MDM1: variants seen among roughly 807,000 people sequenced by gnomAD.
MDM1 encodes the protein Mdm1 nuclear protein.
MDM1 carries 61 observed loss-of-function variants against 89.1 expected under a neutral mutation model. The observed-to-expected ratio is 0.68, with a 90% CI of 0.56 to 0.85. MDM1 has a LOEUF of 0.85. Among genes scored for constraint, MDM1 ranks in the 40% least tolerant of loss-of-function variants. The pLI, the probability that MDM1 is intolerant of heterozygous loss-of-function variation, is 0.00. For synonymous variants in MDM1, 290 were observed against 294.1 expected (o/e 0.99, Z 0.14); for missense variants, 820 against 846.5 (o/e 0.97, Z 0.39).
intron 12 of MDM1, among the ~76,000 whole-genome samples, chr12:68,310,111 C>T (rs943481044): frequency 3.9e-5 from 6 of 152,210 alleles, no homozygotes; most frequent in Non-Finnish European, 7.3e-5. Flanking sequence ...GCTGGGATTA[C>T]AGGCATCTGC....
rs774503728 is a variant in MDM1 at position 68,332,256 on chromosome 12, G to T, written c.-11C>A. 3.2e-6 allele frequency: 5 copies of T among 1,581,654 alleles called. No homozygotes were observed. The highest frequency in any genetic ancestry group is 1.8e-5 in the Admixed American group (1 of 56,212). ...GAAGCGCACCGGCATGTCGCCCGGC[G>T]CCGGAGCCCCCGCTACTCCGACAGT... On this transcript the variant is annotated 5_prime_UTR_variant, in exon 1 of 15. Transcript: ENST00000682720.
At chr12:68,299,997 A>C (rs1871928174) in intron 13 of MDM1, among the ~76,000 whole-genome samples, 1 of 152,220 alleles carries the variant, frequency 6.6e-6, no homozygotes, top group Non-Finnish European at 1.5e-5. Flanking sequence ...TCCCAGCAGA[A>C]ACCTTACAAG....
chr12:68,320,017 AAC>A (rs970968995), intron 7 of MDM1, among the ~76,000 whole-genome samples: 11 of 152,364 alleles, frequency 7.2e-5, no homozygotes, highest in East Asian at 5.8e-4. Flanking sequence ...TCTCAGAGAA[AAC>A]ACAGTCTTCA....
At chr12:68,326,298 C>A (rs926988789) in intron 3 of MDM1, 2 of 1,286,452 alleles carry the variant, frequency 1.6e-6, no homozygotes, top group African/African-American at 3.0e-5. Flanking sequence ...TGAAAAGGGG[C>A]TAGGTAGAAG....
chr12:68,298,166 G>T (rs149520473), intron 13 of MDM1, among the ~76,000 whole-genome samples: 3 of 152,154 alleles, frequency 2.0e-5, no homozygotes, highest in Non-Finnish European at 2.9e-5. Flanking sequence ...GTAGAATAAC[G>T]CTGTGCCCAG....
chr12:68,296,985 T>TA lies in MDM1; in HGVS notation c.2003-4dup, dbSNP rs748277745. On this transcript the variant is annotated splice_region_variant and splice_polypyrimidine_tract_variant and intron_variant, in intron 13 of 14. Transcript: ENST00000682720. Reference sequence around the variant, plus strand: ...ATTGTTCATCCTTGCTTTTCCCACTTAAAAAAAAAAAGGCAGAATAAATTA... The same window carrying TA: ...ATTGTTCATCCTTGCTTTTCCCACTTAAAAAAAAAAAAGGCAGAATAAATTA... 21,014 of 1,171,290 alleles carry TA rather than the reference T, an allele frequency of 0.018. 2 individuals are homozygous for TA. The highest frequency in any genetic ancestry group is 0.025 in the South Asian group (1,600 of 63,734). 72.6% of individuals were successfully genotyped at this position (1,171,290 alleles called of 1,614,324 possible).
intron 2 of MDM1, among the ~76,000 whole-genome samples, chr12:68,329,277 C>T (rs1407568469): frequency 2.0e-5 from 3 of 152,166 alleles, no homozygotes; most frequent in Non-Finnish European, 2.9e-5. Context: ...GATCATGATG[C>T]TTCAGAGGAA....
At chr12:68,331,559 G>GT (rs1231647172) in intron 1 of MDM1, among the ~76,000 whole-genome samples, 1 of 152,084 alleles carries the variant, frequency 6.6e-6, no homozygotes, top group Non-Finnish European at 1.5e-5. Context: ...TTTATCGCAG[G>GT]TTTTCACCGA....
intron 2 of MDM1, chr12:68,327,274 T>C: frequency 7.1e-7 from 1 of 1,414,384 alleles, no homozygotes; most frequent in Non-Finnish European, 9.2e-7. Flanking sequence ...GGTCACAAAA[T>C]GTTCCAGTTA....
At chr12:68,322,766 C>G (rs1393313120) in intron 5 of MDM1, among the ~76,000 whole-genome samples, 1 of 152,174 alleles carries the variant, frequency 6.6e-6, no homozygotes, top group Non-Finnish European at 1.5e-5. Context: ...ATTAAACTTA[C>G]TTGACTTTGA....
chr12:68,295,048 C>T lies in MDM1; in HGVS notation c.*206G>A, dbSNP rs1051010690. The T allele has an allele frequency of 2.6e-5, 9 of 343,146 alleles. No homozygotes were observed. The highest frequency in any genetic ancestry group is 6.5e-5 in the African/African-American group (3 of 46,488). The allele number at this position is 343,146 out of a possible 1,614,324, so 21.3% of individuals were successfully genotyped here. A position where few individuals can be genotyped will look rare whatever the true frequency, so the allele number is the denominator to read the frequency against. On this transcript the variant is annotated 3_prime_UTR_variant, in exon 15 of 15. Coordinates refer to ENST00000682720, the MANE Select transcript of MDM1 (RefSeq NM_001354969.2). ...GAATTCAATAATCTAGGTCTTTGTA[C>T]TCTGGGATAGATGTAAAAAGAATTC...
At chr12:68,300,752 C>A (rs975020712) in intron 13 of MDM1, among the ~76,000 whole-genome samples, 1 of 152,142 alleles carries the variant, frequency 6.6e-6, no homozygotes, top group Admixed American at 6.5e-5. Flanking sequence ...CTAGACAGAT[C>A]GTTAAGACAG....
rs1048862593 is a variant in MDM1, at chr12:68,296,315, T to C, written c.2062+608A>G. Among the ~76,000 whole-genome samples, 17 of 152,286 alleles carry C rather than the reference T, an allele frequency of 1.1e-4. 1 individual carries two copies. The highest frequency in any genetic ancestry group is 6.8e-3 in the Middle Eastern group (2 of 294). ...GAGTTTGAGACCATCCTGGCCAACA[T>C]GGTGAAACCCCATCTCTACTAAAAA... On this transcript the variant is annotated intron_variant, in intron 14 of 14. Coordinates refer to ENST00000682720, the MANE Select transcript of MDM1 (RefSeq NM_001354969.2).
At chr12:68,315,332 T>C in intron 9 of MDM1, 67 bp from the exon 10 acceptor site, 1 of 1,431,446 alleles carries the variant, frequency 7.0e-7, no homozygotes. Context: ...ACACCAATTT[T>C]AGTGAGTCCA....
At chr12:68,323,804 G>C (rs1875574552) in intron 4 of MDM1, among the ~76,000 whole-genome samples, 1 of 152,166 alleles carries the variant, frequency 6.6e-6, no homozygotes, top group Non-Finnish European at 1.5e-5. Context: ...AAATGGAAAA[G>C]ATGGGGAACT....
chr12:68,323,345 T>C (rs868260041), intron 4 of MDM1, 105 bp from the exon 5 acceptor site: 1 of 749,414 alleles, frequency 1.3e-6, no homozygotes, highest in Non-Finnish European at 2.1e-6. Flanking sequence ...GACAAAAAAA[T>C]AGCAAAGTTA....
Position 68,331,074 on chromosome 12 carries a change from A to G in MDM1, c.133+33T>C, listed in dbSNP as rs954596080. On this transcript the variant is annotated intron_variant, in intron 2 of 14. Transcript: ENST00000682720. ...TTGGCCCAAGTTATAAACTTAGCCC[A>G]GGTTAGAATGGCTATTAGCCTGCTC... 12 of 1,231,008 alleles carry G rather than the reference A, an allele frequency of 9.7e-6. No homozygotes were observed. The African/African-American group carries it at 1.2e-4, about 12-fold the overall frequency. The allele number at this position is 1,231,008 out of a possible 1,614,324, so 76.3% of individuals were successfully genotyped here. A position where few individuals can be genotyped will look rare whatever the true frequency, so the allele number is the denominator to read the frequency against.
intron 4 of MDM1, among the ~76,000 whole-genome samples, chr12:68,323,639 T>G (rs769017256): frequency 5.9e-5 from 9 of 152,186 alleles, no homozygotes; most frequent in Non-Finnish European, 1.2e-4. Flanking sequence ...GTTTAGCTTT[T>G]CTTCCCTTGG....
intron 4 of MDM1, chr12:68,324,991 T>C (rs1227768813): frequency 4.1e-6 from 4 of 977,754 alleles, no homozygotes; most frequent in East Asian, 1.1e-4. Context: ...AAGGACAAAA[T>C]TACGTATCTT....
Sources: gnomAD v4.1 joint callset for allele counts (sites outside exome capture counted in the v4.1 genomes callset) on GRCh38, gnomAD v4.1.1 for gene constraint, MANE v1.5 for transcripts, NCBI Gene and HGNC (gene_info 2026-07-23, HGNC 2026-07-21) for gene names.